ALS2: variants seen among roughly 807,000 people sequenced by gnomAD.
The protein encoded by ALS2 is alsin.
ALS2 carries 117 observed loss-of-function variants against 203.4 expected under a neutral mutation model. The observed-to-expected ratio is 0.58, with a 90% CI of 0.50 to 0.67. The LOEUF is 0.67. ALS2 is among the 30% of genes least tolerant of loss of function. The probability of loss-of-function intolerance (pLI) is 0.00; values close to 1 mark genes in which losing one functional copy is unlikely to be tolerated. For synonymous variants in ALS2, 718 were observed against 725.9 expected (o/e 0.99, Z 0.17); for missense variants, 1,715 against 1,989.4 (o/e 0.86, Z 2.62).
chr2:201,711,141 T>TCA (rs1309266516), intron 25 of ALS2, 33 bp from the exon 26 acceptor site: 2 of 1,336,944 alleles, frequency 1.5e-6, no homozygotes, highest in African/African-American at 2.9e-5. Context: ...CTGTTGTATT[T>TCA]CACATCAAGA....
At chr2:201,716,100 GAATT>G (rs906728878) in intron 24 of ALS2, among the ~76,000 whole-genome samples, 1 of 152,102 alleles carries the variant, frequency 6.6e-6, no homozygotes, top group African/African-American at 2.4e-5. Context: ...TAATTCCACA[GAATT>G]AATTTTAAAA....
In ALS2 at chr2:201,759,761, T is replaced by A. The variant is rs952163769; in HGVS notation, c.1113+1120A>T. 5.0e-5 allele frequency: 49 copies of A among 985,152 alleles called. No homozygotes were observed. In the African/African-American group the frequency reaches 8.5e-4, roughly 17 times the overall value. 61.0% of individuals were successfully genotyped at this position (985,152 alleles called of 1,614,324 possible). A position where few individuals can be genotyped will look rare whatever the true frequency, so the allele number is the denominator to read the frequency against. ...GTTCACATTCTGACAGAGTAAACAA[T>A]AAGAATTGAGAATCAAGAGGCTATG... On this transcript the variant is annotated intron_variant, in intron 4 of 33. Transcript: ENST00000264276.
intron 24 of ALS2, among the ~76,000 whole-genome samples, chr2:201,717,174 G>T (rs1690457264): frequency 6.6e-6 from 1 of 151,892 alleles, no homozygotes; most frequent in Non-Finnish European, 1.5e-5. Flanking sequence ...ATTTAAGAAT[G>T]CTCTTTCAGG....
At chr2:201,767,421 A>G (rs1156659401) in intron 2 of ALS2, 38 bp from the exon 3 acceptor site, 2 of 1,606,892 alleles carry the variant, frequency 1.2e-6, no homozygotes, top group African/African-American at 1.3e-5. Context: ...TGTTTCTACA[A>G]TTCAGAACAG....
Position 201,757,683 on chromosome 2 carries a change from A to T in ALS2, c.1190T>A (p.Val397Asp). The part of the protein sequence containing the change: ...TSTSALNSLV[V>D]SCASAVGVRV... Reference sequence around the variant, plus strand: ...CACACCAACAGCAGATGCACAAGAGACCACCAGGCTGTTTAGGGCTGAGGT... The same window carrying T: ...CACACCAACAGCAGATGCACAAGAGTCCACCAGGCTGTTTAGGGCTGAGGT... The change falls in exon 5 of 34, where the codon GTC becomes GAC. Residue 397 changes from valine (V) to aspartate (D), a missense_variant. Physicochemically the swap from Val to Asp is radical, Grantham distance 152 (BLOSUM62 -3). Transcript: ENST00000264276. 2 of 1,614,006 alleles carry T rather than the reference A, an allele frequency of 1.2e-6. No individual in the cohort carries two copies. The highest frequency in any genetic ancestry group is 2.7e-5 in the African/African-American group (2 of 75,056).
In ALS2 at chr2:201,741,699, T is replaced by C. The variant is rs778099581; in HGVS notation, c.2326A>G (p.Ser776Gly). 20 of 1,614,000 alleles carry C rather than the reference T, an allele frequency of 1.2e-5. No individual in the cohort carries two copies. Among genetic ancestry groups the C allele is most frequent in the African/African-American group, 2.7e-5 (2 of 74,916 alleles). The change falls in exon 11 of 34, where the codon AGT (serine) becomes GGT (glycine). Residue 776 changes from serine to glycine, a missense_variant. By Grantham distance (56) the Ser-to-Gly change is moderately conservative. Coordinates refer to ENST00000264276, the MANE Select transcript of ALS2 (RefSeq NM_020919.4). Reference sequence around the variant, plus strand: ...TCTGTATAACTATCCAAGAAGAGACTTGAATGCTTCAGGATGACCAAACTC... The same window carrying C: ...TCTGTATAACTATCCAAGAAGAGACCTGAATGCTTCAGGATGACCAAACTC... ...ARSLVILKHSSLFLDSYTEYC... is the reference protein window; with the variant it reads ...ARSLVILKHSGLFLDSYTEYC...
chr2:201,747,153 G>T (rs1471112338), intron 8 of ALS2, among the ~76,000 whole-genome samples: 2 of 152,046 alleles, frequency 1.3e-5, no homozygotes, highest in African/African-American at 4.8e-5. Context: ...CAAAAATCGA[G>T]GTAAAAGAAA....
At chr2:201,768,783 A>T in intron 2 of ALS2, 83 bp downstream of exon 2, 1 of 1,346,830 alleles carries the variant, frequency 7.4e-7, no homozygotes, top group Non-Finnish European at 1.1e-6. Flanking sequence ...CAAGAAAATT[A>T]AACTGAAGAG....
intron 3 of ALS2, among the ~76,000 whole-genome samples, chr2:201,764,738 T>C (rs1693989216): frequency 1.3e-5 from 2 of 152,112 alleles, no homozygotes; most frequent in South Asian, 2.1e-4. Flanking sequence ...TCATATTTAA[T>C]AGAGATGAAG....
chr2:201,724,431 A>G lies in ALS2; in HGVS notation c.3376T>C (p.Cys1126Arg). 2 of 1,614,164 alleles carry G rather than the reference A, an allele frequency of 1.2e-6. No individual in the cohort carries two copies. Among genetic ancestry groups the G allele is most frequent in the Non-Finnish European group, 1.7e-6 (2 of 1,179,998 alleles). The change falls in exon 21 of 34, where the codon TGT becomes CGT. Residue 1126 changes from cysteine (C) to arginine (R), a missense_variant. Transcript: ENST00000264276. ...SYASGEVFEG[C>R]FQDNMRHGHG... ...CCATGACGCATATTATCTTGAAAAC[A>G]GCCCTCAAATACTTCACCAGAAGCA...
At chr2:201,759,661 T>C (rs1028513811) in intron 4 of ALS2, 35 of 985,026 alleles carry the variant, frequency 3.6e-5, no homozygotes, top group Admixed American at 1.8e-4. Context: ...TCCTTGATTT[T>C]TTTAAAAATT....
chr2:201,775,718 T>C (rs138701192), intron 1 of ALS2, among the ~76,000 whole-genome samples: 1,714 of 152,126 alleles, frequency 0.011, 12 homozygotes, highest in South Asian at 0.026. Flanking sequence ...ACAGAAAGCA[T>C]TGCCTGATAC....
At chr2:201,717,516 C>A (rs563715503) in intron 24 of ALS2, among the ~76,000 whole-genome samples, 9 of 151,014 alleles carry the variant, frequency 6.0e-5, no homozygotes, top group South Asian at 4.2e-4. Flanking sequence ...ACACATGGAA[C>A]TTTCCTTTTA....
In ALS2 at chr2:201,738,736, C is replaced by T. The variant is rs749047486; in HGVS notation, c.2352-1G>A. The stretch of plus-strand genomic sequence containing the variant: ...GAAATTTGTAATAGATGTGCAATAC[C>T]TTGAGCAGAAAAGAAAACACATGTA... On this transcript the variant is annotated splice_acceptor_variant, in intron 11 of 33. Coordinates refer to ENST00000264276, the MANE Select transcript of ALS2 (RefSeq NM_020919.4). LOFTEE classifies it high-confidence loss of function. The T allele has an allele frequency of 6.2e-7, 1 of 1,613,468 alleles. No homozygotes were observed. The highest frequency in any genetic ancestry group is 1.1e-5 in the South Asian group (1 of 91,052).
intron 15 of ALS2, among the ~76,000 whole-genome samples, chr2:201,728,133 A>G (rs576421282): frequency 6.6e-6 from 1 of 152,318 alleles, no homozygotes; most frequent in Admixed American, 6.5e-5. Flanking sequence ...TCTAGGGTAC[A>G]TCTGCACAAT....
At chr2:201,765,815 T>C (rs1205902485) in intron 3 of ALS2, 2 of 167,110 alleles carry the variant, frequency 1.2e-5, no homozygotes, top group African/African-American at 2.4e-5. Context: ...GCATTGTGAA[T>C]TGCTATTCAT....
intron 1 of ALS2, among the ~76,000 whole-genome samples, chr2:201,770,342 G>A (rs1653481872): frequency 6.6e-6 from 1 of 152,128 alleles, no homozygotes; most frequent in Non-Finnish European, 1.5e-5. Flanking sequence ...AGAATCTTTT[G>A]ATAAAATGAA....
At chr2:201,756,139 T>C (rs1693370156) in intron 5 of ALS2, among the ~76,000 whole-genome samples, 3 of 152,114 alleles carry the variant, frequency 2.0e-5, no homozygotes, top group African/African-American at 7.2e-5. Flanking sequence ...GTGGGATTCA[T>C]GATGTAATGA....
Position 201,724,572 on chromosome 2 carries a change from T to C in ALS2, c.3348-113A>G, listed in dbSNP as rs758441714. 67 of 1,098,518 alleles carry C rather than the reference T, an allele frequency of 6.1e-5. 1 individual carries two copies. The East Asian group carries it at 6.2e-4, about 10-fold the overall frequency. The allele number at this position is 1,098,518 out of a possible 1,614,324, so 68.0% of individuals were successfully genotyped here. On this transcript the variant is annotated intron_variant, in intron 20 of 33. Coordinates refer to ENST00000264276, the MANE Select transcript of ALS2 (RefSeq NM_020919.4). ...TCAGTCTCACTGGTAGCTATAATTA[T>C]TTGTTTATATGATTATTTTTCACCA...
Sources: gnomAD v4.1 joint callset for allele counts (sites outside exome capture counted in the v4.1 genomes callset) on GRCh38, gnomAD v4.1.1 for gene constraint, MANE v1.5 for transcripts, NCBI Gene and HGNC (gene_info 2026-07-23, HGNC 2026-07-21) for gene names.